The following NMNAT2 variants were observed in gnomAD, a reference collection of about 807,000 sequenced individuals.
NMNAT2 encodes nicotinamide nucleotide adenylyltransferase 2.
NMNAT2 carries 11 observed loss-of-function variants against 41.6 expected under a neutral mutation model. The ratio of observed to expected loss-of-function variants is 0.26; its 90% CI spans 0.17 to 0.44. The LOEUF (loss-of-function observed/expected upper bound fraction) is 0.44, where lower values mean the gene tolerates loss of function less well. Among genes scored for constraint, NMNAT2 ranks in the 20% least tolerant of loss-of-function variants. NMNAT2 has a pLI of 1.00. For synonymous variants in NMNAT2, 148 were observed against 151.2 expected (o/e 0.98, Z 0.16); for missense variants, 288 against 407.7 (o/e 0.71, Z 2.53).
intron 3 of NMNAT2, among the ~76,000 whole-genome samples, chr1:183,290,977 C>T (rs553103012): frequency 6.6e-6 from 1 of 152,266 alleles, no homozygotes; most frequent in South Asian, 2.1e-4. Context: ...AGTGCAGTGG[C>T]AAGACCTCGG....
At chr1:183,410,884 A>G (rs1298997438) in intron 1 of NMNAT2, among the ~76,000 whole-genome samples, 1 of 151,784 alleles carries the variant, frequency 6.6e-6, no homozygotes, top group East Asian at 1.9e-4. Flanking sequence ...CACCCAGCTA[A>G]TTTTTTAAAT....
intron 1 of NMNAT2, among the ~76,000 whole-genome samples, chr1:183,364,952 C>T (rs1215928982): frequency 6.6e-6 from 1 of 152,090 alleles, no homozygotes; most frequent in Non-Finnish European, 1.5e-5. Context: ...TTTCTATCTC[C>T]CATGTCCCCC....
At chr1:183,348,133 C>T (rs1488366870) in intron 1 of NMNAT2, among the ~76,000 whole-genome samples, 1 of 152,064 alleles carries the variant, frequency 6.6e-6, no homozygotes, top group Non-Finnish European at 1.5e-5. Context: ...ATGGGTGATA[C>T]GTTGAGATAT....
At chr1:183,262,014 C>T (rs1660671744) in intron 8 of NMNAT2, among the ~76,000 whole-genome samples, 1 of 152,078 alleles carries the variant, frequency 6.6e-6, no homozygotes, top group African/African-American at 2.4e-5. Flanking sequence ...TAGCCTCAAC[C>T]TCCTGGTCTC....
chr1:183,347,238 G>T (rs990366095), intron 1 of NMNAT2, among the ~76,000 whole-genome samples: 7 of 152,148 alleles, frequency 4.6e-5, no homozygotes, highest in Non-Finnish European at 2.9e-5. Context: ...AGGATTGCTT[G>T]AGGCCAGGAG....
chr1:183,391,992 A>G (rs1648496756), intron 1 of NMNAT2, among the ~76,000 whole-genome samples: 1 of 152,176 alleles, frequency 6.6e-6, no homozygotes, highest in Admixed American at 6.5e-5. Flanking sequence ...CTCTTCTCCA[A>G]TGCATTCACT....
rs531627688 is a variant in NMNAT2, at chr1:183,307,109, T to G, written c.86-13316A>C. ...GGGAGTTATTAAATCTGAGAAGATT[T>G]TCTTTTGACCAGCAAAGATTGTCCC... On this transcript the variant is annotated intron_variant, in intron 1 of 10. Transcript: ENST00000287713. Among the ~76,000 whole-genome samples the G allele has an allele frequency of 5.8e-4, 89 of 152,212 alleles. 1 individual carries two copies. Among genetic ancestry groups the G allele is most frequent in the South Asian group, 3.9e-3 (19 of 4,818 alleles).
Position 183,392,412 on chromosome 1 carries a change from C to T in NMNAT2, c.85+25771G>A, listed in dbSNP as rs189853161. On this transcript the variant is annotated intron_variant, in intron 1 of 10. Coordinates refer to ENST00000287713, the MANE Select transcript of NMNAT2 (RefSeq NM_015039.4). ...ACCATCACCTCTCCTATAGATTACA[C>T]GCAGTAACTTCCTAACTAGTTCCCC... Among the ~76,000 whole-genome samples, 6 of 152,356 alleles carry T rather than the reference C, an allele frequency of 3.9e-5. No homozygotes were observed. The East Asian group carries it at 9.6e-4, about 24-fold the overall frequency.
intron 1 of NMNAT2, among the ~76,000 whole-genome samples, chr1:183,357,270 C>T (rs191273302): frequency 1.4e-5 from 2 of 144,514 alleles, no homozygotes; most frequent in East Asian, 4.0e-4. Context: ...CGCTCTATCG[C>T]CCAGGCTGGA....
chr1:183,395,312 A>C lies in NMNAT2; in HGVS notation c.85+22871T>G, dbSNP rs1213814720. On this transcript the variant is annotated intron_variant, in intron 1 of 10. Coordinates refer to ENST00000287713, the MANE Select transcript of NMNAT2 (RefSeq NM_015039.4). Reference sequence around the variant, plus strand: ...ATCACCTTTTCTACCACTCTAAATCACTTGATGTGCAGCCACATCAAGGGA... The same window carrying C: ...ATCACCTTTTCTACCACTCTAAATCCCTTGATGTGCAGCCACATCAAGGGA... Among the ~76,000 whole-genome samples the C allele has an allele frequency of 2.0e-5, 3 of 151,340 alleles. No homozygotes were observed. In the East Asian group the frequency reaches 5.9e-4, roughly 30 times the overall value.
intron 1 of NMNAT2, among the ~76,000 whole-genome samples, chr1:183,391,556 G>T (rs1191516621): frequency 6.6e-6 from 1 of 151,740 alleles, no homozygotes; most frequent in African/African-American, 2.4e-5. Context: ...AAAAAACAAA[G>T]ACCTTTTCTT....
chr1:183,274,297 TTTATTTATTTATTTG>T (rs1661068515), intron 8 of NMNAT2, among the ~76,000 whole-genome samples: 1 of 151,880 alleles, frequency 6.6e-6, no homozygotes, highest in Non-Finnish European at 1.5e-5. Context: ...AGTCAATAAC[TTTATTTATTTATTTG>T]TTATTTATTT....
intron 1 of NMNAT2, among the ~76,000 whole-genome samples, chr1:183,366,697 C>T (rs1571621958): frequency 6.6e-6 from 1 of 152,038 alleles, no homozygotes; most frequent in Non-Finnish European, 1.5e-5. Context: ...GCCATTGATA[C>T]ATTGAGTGAG....
chr1:183,292,720 TC>T, intron 3 of NMNAT2, 69 bp downstream of exon 3: 1 of 1,414,444 alleles, frequency 7.1e-7, no homozygotes, highest in African/African-American at 1.4e-5. Flanking sequence ...CTGGAACTCT[TC>T]TTTTTTCCCC....
chr1:183,396,484 T>TG (rs1451177914), intron 1 of NMNAT2, among the ~76,000 whole-genome samples: 2 of 152,060 alleles, frequency 1.3e-5, no homozygotes, highest in Admixed American at 1.3e-4. Flanking sequence ...ATGGTGGAGT[T>TG]TAACTGGTAT....
At chr1:183,379,423 C>T (rs1663755122) in intron 1 of NMNAT2, among the ~76,000 whole-genome samples, 1 of 152,090 alleles carries the variant, frequency 6.6e-6, no homozygotes, top group Admixed American at 6.6e-5. Context: ...TCAAGCAATC[C>T]TCCCACCTCA....
intron 1 of NMNAT2, among the ~76,000 whole-genome samples, chr1:183,372,750 C>T (rs1394973877): frequency 1.3e-5 from 2 of 152,170 alleles, no homozygotes; most frequent in African/African-American, 2.4e-5. Context: ...TGATCCTGGA[C>T]GGTGACCAAG....
intron 1 of NMNAT2, among the ~76,000 whole-genome samples, chr1:183,387,953 C>T (rs978945534): frequency 1.3e-5 from 2 of 152,148 alleles, no homozygotes; most frequent in Admixed American, 6.6e-5. Context: ...ATAACAAACC[C>T]TTAGAGAACA....
chr1:183,264,768 C>T (rs1660761575), intron 8 of NMNAT2, among the ~76,000 whole-genome samples: 1 of 152,046 alleles, frequency 6.6e-6, no homozygotes, highest in Non-Finnish European at 1.5e-5. Context: ...TACCCATCTC[C>T]CTCCAAGAGC....
Sources: gnomAD v4.1 joint callset for allele counts (sites outside exome capture counted in the v4.1 genomes callset) on GRCh38, gnomAD v4.1.1 for gene constraint, MANE v1.5 for transcripts, NCBI Gene and HGNC (gene_info 2026-07-23, HGNC 2026-07-21) for gene names.